Variants in MAF observed in about 807,000 individuals in gnomAD.
MAF encodes MAF bZIP transcription factor, also known as transcription factor Maf.
MAF carries 10 observed loss-of-function variants against 22.0 expected under a neutral mutation model. The observed-to-expected ratio is 0.45, with a 90% CI of 0.28 to 0.77. The LOEUF is 0.77. Among genes scored for constraint, MAF ranks in the 30% least tolerant of loss-of-function variants. MAF has a pLI of 0.12. For synonymous variants in MAF, 337 were observed against 255.8 expected (o/e 1.32, Z -3.03); for missense variants, 544 against 548.4 (o/e 0.99, Z 0.08).
chr16:79,404,030 A>G, the MAF span, among the ~76,000 whole-genome samples: 1 of 152,174 alleles, frequency 6.6e-6, no homozygotes, highest in African/African-American at 2.4e-5. Context: ...ACGTATTTCT[A>G]AAAACATTTA....
chr16:79,480,326 A>ATTT, the MAF span, among the ~76,000 whole-genome samples: 19 of 150,948 alleles, frequency 1.3e-4, no homozygotes, highest in African/African-American at 3.7e-4. Flanking sequence ...TTGAAATACA[A>ATTT]TTTTTTTTTT....
At chr16:79,520,625 C>T in the MAF span, among the ~76,000 whole-genome samples, 2 of 152,144 alleles carry the variant, frequency 1.3e-5, no homozygotes, top group African/African-American at 4.8e-5. Context: ...AAAGCAAATG[C>T]TGTTCTGGCA....
chr16:79,580,792 A>T, the MAF span, among the ~76,000 whole-genome samples: 1 of 147,160 alleles, frequency 6.8e-6, no homozygotes. Flanking sequence ...TAATGGTGAG[A>T]AACTGTTCCA....
chr16:79,543,504 TC>T, the MAF span, among the ~76,000 whole-genome samples: 15 of 152,268 alleles, frequency 9.9e-5, no homozygotes, highest in East Asian at 9.7e-4. Flanking sequence ...TGGCGGGCAG[TC>T]CCACCTTTCC....
the MAF span, among the ~76,000 whole-genome samples, chr16:79,432,090 C>T: frequency 7.2e-5 from 11 of 152,238 alleles, no homozygotes; most frequent in South Asian, 1.0e-3. Context: ...GTGTCAAGGG[C>T]GGGACTAGGT....
At chr16:79,428,041 G>A in the MAF span, among the ~76,000 whole-genome samples, 56 of 143,664 alleles carry the variant, frequency 3.9e-4, no homozygotes, top group Middle Eastern at 0.015. Context: ...GCAGTGAGCC[G>A]AGATCGCGCC....
At chr16:79,548,187 G>T in the MAF span, among the ~76,000 whole-genome samples, 1 of 152,024 alleles carries the variant, frequency 6.6e-6, no homozygotes, top group Non-Finnish European at 1.5e-5. Context: ...TTCAAGATTT[G>T]ATTAAAACAC....
chr16:79,559,321 A>C, the MAF span, among the ~76,000 whole-genome samples: 10 of 152,184 alleles, frequency 6.6e-5, no homozygotes, highest in East Asian at 3.9e-4. Flanking sequence ...CCCACATTGC[A>C]AGAACGAAAA....
the MAF span, among the ~76,000 whole-genome samples, chr16:79,249,486 A>G: frequency 3.3e-5 from 5 of 151,992 alleles, no homozygotes; most frequent in Admixed American, 2.0e-4. Flanking sequence ...GAGGCCAGAG[A>G]AAGATCCATC....
chr16:79,211,817 G>GCA, the MAF span: 2 of 1,613,634 alleles, frequency 1.2e-6, no homozygotes, highest in Non-Finnish European at 1.7e-6. Context: ...GAGCGGATGG[G>GCA]CACACACACC....
the MAF span, among the ~76,000 whole-genome samples, chr16:79,232,288 A>C: frequency 1.3e-5 from 2 of 152,104 alleles, no homozygotes; most frequent in African/African-American, 4.8e-5. Context: ...GTGAAATGTG[A>C]ATTTGGGGAG....
chr16:79,581,308 A>AAC (rs1221565394), downstream of MAF, among the ~76,000 whole-genome samples: 5 of 152,296 alleles, frequency 3.3e-5, no homozygotes, highest in South Asian at 1.0e-3. Flanking sequence ...TTAAAATATA[A>AAC]ACAAGCCAGA....
chr16:79,552,935 A>G, the MAF span, among the ~76,000 whole-genome samples: 1 of 152,244 alleles, frequency 6.6e-6, no homozygotes, highest in South Asian at 2.1e-4. Context: ...ACTTGGCGGC[A>G]ATAGCAGGAA....
the MAF span, among the ~76,000 whole-genome samples, chr16:79,480,284 G>A: frequency 6.6e-6 from 1 of 152,040 alleles, no homozygotes; most frequent in Non-Finnish European, 1.5e-5. Context: ...TATTTTCCGG[G>A]TGAAACTGGG....
downstream of MAF, among the ~76,000 whole-genome samples, chr16:79,582,176 G>A (rs1912560664): frequency 6.6e-6 from 1 of 152,124 alleles, no homozygotes; most frequent in South Asian, 2.1e-4. Flanking sequence ...AGCCAAAACT[G>A]CAGACACAAA....
chr16:79,270,667 C>A, the MAF span, among the ~76,000 whole-genome samples: 8 of 152,296 alleles, frequency 5.3e-5, no homozygotes, highest in Admixed American at 5.2e-4. Flanking sequence ...AGTAAATACA[C>A]TGGTGACAGT....
the MAF span, among the ~76,000 whole-genome samples, chr16:79,544,645 G>T: frequency 2.6e-5 from 4 of 151,650 alleles, no homozygotes; most frequent in African/African-American, 4.8e-5. Flanking sequence ...GTGGTGGCAG[G>T]TACCTGTAGT....
chr16:79,436,285 G>A, the MAF span, among the ~76,000 whole-genome samples: 1 of 152,166 alleles, frequency 6.6e-6, no homozygotes, highest in African/African-American at 2.4e-5. Context: ...GTTTTGCCAT[G>A]TTGGCCAGAC....
chr16:79,213,676 C>T, the MAF span, among the ~76,000 whole-genome samples: 5 of 151,920 alleles, frequency 3.3e-5, no homozygotes, highest in South Asian at 4.1e-4. Flanking sequence ...ACTCCCAGAA[C>T]CGGCATCCAG....
Sources: allele counts gnomAD v4.1 joint callset (sites outside exome capture counted in the v4.1 genomes callset), GRCh38; gene constraint gnomAD v4.1.1; transcripts MANE v1.5; gene names NCBI Gene and HGNC (gene_info 2026-07-23, HGNC 2026-07-21).